ZNF420: variants seen among roughly 807,000 people sequenced by gnomAD.
The protein encoded by ZNF420 is ATM and p53-associated KZNF protein.
Under a neutral mutation model 44.7 loss-of-function variants are expected in ZNF420, and 31 were observed. That is an observed-to-expected ratio of 0.69 (90% confidence interval 0.52 to 0.94). The LOEUF (loss-of-function observed/expected upper bound fraction) is 0.94, where lower values mean the gene tolerates loss of function less well. ZNF420 is among the 40% of genes least tolerant of loss of function. The probability of loss-of-function intolerance (pLI) is 0.00; values close to 1 mark genes in which losing one functional copy is unlikely to be tolerated. For synonymous variants in ZNF420, 245 were observed against 267.4 expected (o/e 0.92, Z 0.82); for missense variants, 681 against 827.9 (o/e 0.82, Z 2.18).
At position 37,128,186 on chromosome 19, in the gene ZNF420, A is replaced by C. The variant is rs1477264074; in HGVS notation, c.1195A>C (p.Met399Leu). ...KPYECKECGK[M>L]FSHGSQLTQH... ...CTATGAATGTAAGGAATGTGGAAAGATGTTTAGTCATGGCTCACAACTTAC... is the reference window on the plus strand; with the variant it reads ...CTATGAATGTAAGGAATGTGGAAAGCTGTTTAGTCATGGCTCACAACTTAC... Residue 399 changes from methionine to leucine, a missense_variant, in exon 5 of 5, where the codon ATG becomes CTG. By Grantham distance (15) the Met-to-Leu change is conservative (BLOSUM62 2). Transcript: ENST00000337995. 1.9e-6 allele frequency: 3 copies of C among 1,613,800 alleles called. No individual in the cohort carries two copies. In the African/African-American group the frequency reaches 4.0e-5, roughly 22 times the overall value.
intron 1 of ZNF420, among the ~76,000 whole-genome samples, chr19:37,052,909 G>T (rs1362966892): frequency 6.6e-6 from 1 of 152,158 alleles, no homozygotes; most frequent in African/African-American, 2.4e-5. Context: ...ATGTTGGCCT[G>T]CCTTGCTAGA....
At chr19:37,112,487 T>G (rs1161821642) in intron 4 of ZNF420, among the ~76,000 whole-genome samples, 1 of 152,132 alleles carries the variant, frequency 6.6e-6, no homozygotes, top group Non-Finnish European at 1.5e-5. Flanking sequence ...TGTAACAGCC[T>G]TTTGTTTAGG....
intron 1 of ZNF420, among the ~76,000 whole-genome samples, chr19:37,067,406 C>T (rs1967985078): frequency 6.6e-6 from 1 of 152,038 alleles, no homozygotes; most frequent in African/African-American, 2.4e-5. Context: ...TGAAATACAA[C>T]AAAAAATGGA....
At chr19:37,064,741 G>A (rs978006201) in intron 1 of ZNF420, among the ~76,000 whole-genome samples, 4 of 152,264 alleles carry the variant, frequency 2.6e-5, no homozygotes, top group South Asian at 2.1e-4. Flanking sequence ...TAACTGCACC[G>A]GCATGTATGC....
chr19:37,023,703 A>G (rs1475509177), intron 1 of ZNF420, among the ~76,000 whole-genome samples: 1 of 152,212 alleles, frequency 6.6e-6, no homozygotes, highest in East Asian at 1.9e-4. Flanking sequence ...AAAATACATT[A>G]TAAACTATCT....
chr19:37,053,181 C>A (rs1215388999), intron 1 of ZNF420, among the ~76,000 whole-genome samples: 1 of 152,208 alleles, frequency 6.6e-6, no homozygotes, highest in East Asian at 1.9e-4. Flanking sequence ...GCATTCATCA[C>A]ATAGTTTTCG....
intron 1 of ZNF420, among the ~76,000 whole-genome samples, chr19:37,046,346 A>G (rs1189746560): frequency 6.6e-6 from 1 of 152,198 alleles, no homozygotes; most frequent in African/African-American, 2.4e-5. Context: ...ACTCTTGCCC[A>G]TGTGTACCCG....
At chr19:37,123,192 G>C (rs1971150873) in intron 4 of ZNF420, among the ~76,000 whole-genome samples, 1 of 152,194 alleles carries the variant, frequency 6.6e-6, no homozygotes, top group Non-Finnish European at 1.5e-5. Context: ...CATCTGGTCT[G>C]AGTCAGGTGG....
At position 37,009,753 on chromosome 19, in the gene ZNF420, C is replaced by T. The variant is rs527504344; in HGVS notation, c.-125+1671C>T. ...TGTGCCCCAGCGAGGCCCTGCCTGCCTCACCAGATGAGGTGAGCCCATCCC... is the reference window on the plus strand; with the variant it reads ...TGTGCCCCAGCGAGGCCCTGCCTGCTTCACCAGATGAGGTGAGCCCATCCC... On this transcript the variant is annotated intron_variant, in intron 1 of 4. Coordinates refer to the ZNF420 transcript ENST00000587029. Among the ~76,000 whole-genome samples the T allele has an allele frequency of 1.1e-4, 16 of 152,322 alleles. No individual in the cohort carries two copies. The South Asian group carries it at 3.3e-3, about 32-fold the overall frequency.
chr19:37,022,415 A>T (rs900977112), intron 1 of ZNF420, among the ~76,000 whole-genome samples: 1 of 152,184 alleles, frequency 6.6e-6, no homozygotes, highest in African/African-American at 2.4e-5. Context: ...TCTGAATTTC[A>T]TTCCAGGATT....
intron 1 of ZNF420, among the ~76,000 whole-genome samples, chr19:37,043,627 C>A (rs1967496725): frequency 6.6e-6 from 1 of 152,136 alleles, no homozygotes; most frequent in African/African-American, 2.4e-5. Flanking sequence ...GGCCCTGTCA[C>A]CATGCCCAGC....
intron 4 of ZNF420, among the ~76,000 whole-genome samples, chr19:37,100,602 A>G (rs1969715275): frequency 6.6e-6 from 1 of 151,996 alleles, no homozygotes; most frequent in South Asian, 2.1e-4. Context: ...CATCCCAGCT[A>G]CTCAGGAGGC....
intron 1 of ZNF420, among the ~76,000 whole-genome samples, chr19:37,057,799 T>C (rs1372864114): frequency 2.6e-5 from 4 of 152,242 alleles, no homozygotes; most frequent in East Asian, 3.9e-4. Context: ...CAAAGCCTCA[T>C]AGGAGCTCAT....
rs545900498 is a variant in ZNF420 at position 37,072,185 on chromosome 19, G to A, written c.-124-8160G>A. ...ACCATATCTTTCTTTCCCATTATCT[G>A]ATAAGGAAATTATAATGGGCTTAAA... On this transcript the variant is annotated intron_variant, in intron 1 of 4. Transcript: ENST00000587029. Among the ~76,000 whole-genome samples the A allele has an allele frequency of 3.9e-5, 6 of 152,188 alleles. No homozygotes were observed. The South Asian group carries it at 1.2e-3, about 32-fold the overall frequency.
At chr19:37,094,036 A>G (rs1969303650) in intron 4 of ZNF420, among the ~76,000 whole-genome samples, 2 of 152,328 alleles carry the variant, frequency 1.3e-5, no homozygotes, top group African/African-American at 4.8e-5. Context: ...CGGTCTTTTA[A>G]AAAATTCCAC....
chr19:37,040,066 C>G (rs1323036974), intron 1 of ZNF420, among the ~76,000 whole-genome samples: 1 of 152,146 alleles, frequency 6.6e-6, no homozygotes, highest in Non-Finnish European at 1.5e-5. Flanking sequence ...GACTTATCCT[C>G]TCTATCCAAA....
intron 1 of ZNF420, among the ~76,000 whole-genome samples, chr19:37,009,942 C>T (rs774929751): frequency 1.3e-5 from 2 of 152,130 alleles, no homozygotes; most frequent in Non-Finnish European, 2.9e-5. Flanking sequence ...CACTCCCTCG[C>T]CGCCCCCTAC....
At chr19:37,010,574 G>A (rs1441914782) in intron 1 of ZNF420, among the ~76,000 whole-genome samples, 1 of 152,072 alleles carries the variant, frequency 6.6e-6, no homozygotes, top group African/African-American at 2.4e-5. Flanking sequence ...CTGTGAGTGT[G>A]TGTGCCGGTG....
intron 4 of ZNF420, among the ~76,000 whole-genome samples, chr19:37,100,360 T>C: frequency 6.6e-6 from 1 of 152,168 alleles, no homozygotes; most frequent in East Asian, 1.9e-4. Context: ...TACTATTGTT[T>C]TGTAGTATAT....
Sources: gnomAD v4.1 joint callset for allele counts (sites outside exome capture counted in the v4.1 genomes callset) on GRCh38, gnomAD v4.1.1 for gene constraint, MANE v1.5 for transcripts, NCBI Gene and HGNC (gene_info 2026-07-23, HGNC 2026-07-21) for gene names.